The following MAP3K3 variants were observed in gnomAD, a reference collection of about 807,000 sequenced individuals.
MAP3K3 encodes MAP/ERK kinase kinase 3.
Under a neutral mutation model 80.9 loss-of-function variants are expected in MAP3K3, and 12 were observed. The ratio of observed to expected loss-of-function variants is 0.15; its 90% CI spans 0.10 to 0.24. MAP3K3 has a LOEUF of 0.24. Among genes scored for constraint, MAP3K3 ranks in the 10% least tolerant of loss-of-function variants. MAP3K3 has a pLI of 1.00. For synonymous variants in MAP3K3, 272 were observed against 307.1 expected (o/e 0.89, Z 1.19); for missense variants, 596 against 834.7 (o/e 0.71, Z 3.52).
intron 3 of MAP3K3, among the ~76,000 whole-genome samples, chr17:63,649,941 A>G (rs2034616806): frequency 6.6e-6 from 1 of 152,178 alleles, no homozygotes; most frequent in South Asian, 2.1e-4. Flanking sequence ...CTCTGGTTAC[A>G]CCACTTCCCA....
intron 6 of MAP3K3, among the ~76,000 whole-genome samples, chr17:63,677,219 G>A (rs917914250): frequency 2.0e-5 from 3 of 152,192 alleles, no homozygotes; most frequent in Non-Finnish European, 4.4e-5. Flanking sequence ...GAGTGGCAAA[G>A]CCTGATCTGA....
In MAP3K3 at chr17:63,636,826, G is replaced by A. The variant is rs116843397; in HGVS notation, c.126+4024G>A. 151 of 346,968 alleles carry A rather than the reference G, an allele frequency of 4.4e-4. 2 individuals carry two copies. The East Asian group carries it at 7.6e-3, about 17-fold the overall frequency. The allele number at this position is 346,968 out of a possible 1,614,324, so 21.5% of individuals were successfully genotyped here. A position where few individuals can be genotyped will look rare whatever the true frequency, so the allele number is the denominator to read the frequency against. ...GCTGAGGTGGTATGTGGAGAAGAAGGCCAAGAAGACTGCGTTGGTGGTCAA... is the reference window on the plus strand; with the variant it reads ...GCTGAGGTGGTATGTGGAGAAGAAGACCAAGAAGACTGCGTTGGTGGTCAA... On this transcript the variant is annotated intron_variant, in intron 2 of 15. Coordinates refer to ENST00000361733, the MANE Select transcript of MAP3K3 (RefSeq NM_002401.5).
At position 63,692,474 on chromosome 17, in the gene MAP3K3, C is replaced by G; in HGVS notation, c.1652+55C>G. ...TTCCACCCAGGCCATAGTGGCCCCC[C>G]ATTAGAAACACACCCTGGGGACTTT... On this transcript the variant is annotated intron_variant, in intron 15 of 15. Transcript: ENST00000361733. This position sits in a 1 kb window ranked among gnomAD's most constrained non-coding sequence, Gnocchi z 4.5. 3.9e-6 allele frequency: 6 copies of G among 1,522,232 alleles called. No homozygotes were observed. The highest frequency in any genetic ancestry group is 5.3e-6 in the Non-Finnish European group (6 of 1,131,834). The allele number at this position is 1,522,232 out of a possible 1,614,324, so 94.3% of individuals were successfully genotyped here.
rs2035663242 is a variant in MAP3K3, at chr17:63,694,985, G to GCCTGGGCGCTGGTCCTTTCTT, written c.*1211_*1231dup. The GCCTGGGCGCTGGTCCTTTCTT allele has an allele frequency of 6.6e-6, 1 of 152,586 alleles. No homozygotes were observed. Among genetic ancestry groups the GCCTGGGCGCTGGTCCTTTCTT allele is most frequent in the Non-Finnish European group, 1.5e-5 (1 of 68,178 alleles). 9.5% of individuals were successfully genotyped at this position (152,586 alleles called of 1,614,324 possible). ...CTTAGAGTTGGCCATATTTACCTCAGCCTGGGCGCTGGTCCTTTCTTCCGG... is the reference window on the plus strand; with the variant it reads ...CTTAGAGTTGGCCATATTTACCTCAGCCTGGGCGCTGGTCCTTTCTTCCTGGGCGCTGGTCCTTTCTTCCGG... On this transcript the variant is annotated 3_prime_UTR_variant, in exon 16 of 16. Transcript: ENST00000361733.
At chr17:63,663,014 A>G (rs1408021857) in intron 5 of MAP3K3, among the ~76,000 whole-genome samples, 1 of 151,640 alleles carries the variant, frequency 6.6e-6, no homozygotes, top group African/African-American at 2.4e-5. Flanking sequence ...TCCTTGGGAA[A>G]CCTCACCCAG....
intron 8 of MAP3K3, among the ~76,000 whole-genome samples, chr17:63,685,951 T>C (rs975421397): frequency 3.9e-5 from 6 of 152,214 alleles, no homozygotes; most frequent in African/African-American, 1.4e-4. Flanking sequence ...TTCTCATCCA[T>C]TGCTTTACCA....
intron 6 of MAP3K3, among the ~76,000 whole-genome samples, chr17:63,669,800 T>G (rs551067760): frequency 6.6e-6 from 1 of 152,214 alleles, no homozygotes; most frequent in Non-Finnish European, 1.5e-5. Context: ...TTTTGTTCAT[T>G]CATTCAAAAG....
intron 5 of MAP3K3, among the ~76,000 whole-genome samples, chr17:63,660,836 T>C (rs1262706205): frequency 1.3e-5 from 2 of 152,094 alleles, no homozygotes; most frequent in African/African-American, 4.8e-5. Context: ...CCTCAGGTGA[T>C]CCGCCTGTCT....
At chr17:63,648,173 C>T (rs1326647409) in intron 3 of MAP3K3, among the ~76,000 whole-genome samples, 3 of 152,234 alleles carry the variant, frequency 2.0e-5, no homozygotes, top group African/African-American at 7.2e-5. Context: ...CAGCTTAGAT[C>T]TTACCCAATC....
intron 2 of MAP3K3, chr17:63,634,675 C>A (rs751237151): frequency 3.2e-6 from 5 of 1,561,790 alleles, no homozygotes; most frequent in Non-Finnish European, 4.4e-6. Context: ...ACGAAGGATA[C>A]AAATTATTAA....
intron 4 of MAP3K3, among the ~76,000 whole-genome samples, chr17:63,655,856 A>G (rs1447688934): frequency 5.3e-5 from 8 of 152,198 alleles, no homozygotes; most frequent in Non-Finnish European, 8.8e-5. Context: ...GTCACACAGG[A>G]AGAAATTCTT....
At chr17:63,650,713 A>G (rs2143331201) in intron 3 of MAP3K3, among the ~76,000 whole-genome samples, 1 of 143,040 alleles carries the variant, frequency 7.0e-6, no homozygotes, top group South Asian at 2.2e-4. Flanking sequence ...TTTTTTTTAG[A>G]CAGGGTCTCA....
At chr17:63,631,531 T>A (rs973832763) in intron 1 of MAP3K3, among the ~76,000 whole-genome samples, 4 of 152,208 alleles carry the variant, frequency 2.6e-5, no homozygotes, top group African/African-American at 9.6e-5. Flanking sequence ...TCATCCCTCA[T>A]GTTCCCTTCA....
chr17:63,674,464 C>T (rs1005015776), intron 6 of MAP3K3, among the ~76,000 whole-genome samples: 5 of 152,114 alleles, frequency 3.3e-5, no homozygotes, highest in Non-Finnish European at 5.9e-5. Flanking sequence ...CACCGATCCT[C>T]GCCTCAGCCT....
rs1290347374 is a variant in MAP3K3 at position 63,622,693 on chromosome 17, C to G, written c.-67C>G. 4.8e-6 allele frequency: 2 copies of G among 420,934 alleles called. No individual in the cohort carries two copies. Among genetic ancestry groups the G allele is most frequent in the South Asian group, 1.8e-5 (1 of 56,720 alleles). 26.1% of individuals were successfully genotyped at this position (420,934 alleles called of 1,614,324 possible). On this transcript the variant is annotated 5_prime_UTR_variant, in exon 1 of 16. Coordinates refer to ENST00000361733, the MANE Select transcript of MAP3K3 (RefSeq NM_002401.5). ...CTGCCGTCCCCGCCGCCCGGGCCCC[C>G]GGCATGCAGCCCCGGCTGCGGAGGT...
chr17:63,639,129 A>G (rs563190624), intron 2 of MAP3K3, among the ~76,000 whole-genome samples: 4 of 152,344 alleles, frequency 2.6e-5, no homozygotes, highest in South Asian at 2.1e-4. Flanking sequence ...TGATATGACT[A>G]TGCCTCACTG....
At chr17:63,677,954 C>T (rs1237279831) in intron 6 of MAP3K3, among the ~76,000 whole-genome samples, 1 of 152,244 alleles carries the variant, frequency 6.6e-6, no homozygotes, top group Non-Finnish European at 1.5e-5. Context: ...GATCTCCATC[C>T]TCCATAGGGA....
chr17:63,637,340 A>G (rs574711996), intron 2 of MAP3K3, among the ~76,000 whole-genome samples: 1 of 152,350 alleles, frequency 6.6e-6, no homozygotes, highest in African/African-American at 2.4e-5. Context: ...CACAGCTTTT[A>G]CACAAAGGTA....
At chr17:63,685,925 T>C (rs190825409) in intron 8 of MAP3K3, among the ~76,000 whole-genome samples, 1 of 152,368 alleles carries the variant, frequency 6.6e-6, no homozygotes, top group African/African-American at 2.4e-5. Flanking sequence ...GTCAGTGTTT[T>C]AGGGGGAGAA....
Sources: allele counts gnomAD v4.1 joint callset (sites outside exome capture counted in the v4.1 genomes callset), GRCh38; gene constraint gnomAD v4.1.1; non-coding constraint Gnocchi (gnomAD v3.1); transcripts MANE v1.5; gene names NCBI Gene and HGNC (gene_info 2026-07-23, HGNC 2026-07-21).